The following CTNNBL1 variants were observed in gnomAD, a reference collection of about 807,000 sequenced individuals.
CTNNBL1 encodes beta-catenin-like protein 1.
CTNNBL1 carries 31 observed loss-of-function variants against 72.7 expected under a neutral mutation model. The observed-to-expected ratio is 0.43, with a 90% CI of 0.32 to 0.58. The LOEUF (loss-of-function observed/expected upper bound fraction) is 0.58, where lower values mean the gene tolerates loss of function less well. CTNNBL1 is among the 20% of genes least tolerant of loss of function. The probability of loss-of-function intolerance (pLI) is 0.08; values close to 1 mark genes in which losing one functional copy is unlikely to be tolerated. For missense variants in CTNNBL1, 534 were observed against 725.1 expected (o/e 0.74, Z 3.03); for synonymous variants, 240 against 267.3 (o/e 0.90, Z 1.00).
intron 11 of CTNNBL1, among the ~76,000 whole-genome samples, chr20:37,813,675 G>A (rs1740827582): frequency 6.6e-6 from 1 of 152,110 alleles, no homozygotes. Flanking sequence ...TGTGTCAGTA[G>A]GACTCTGTTA....
intron 10 of CTNNBL1, among the ~76,000 whole-genome samples, chr20:37,785,140 G>A (rs1424186770): frequency 1.3e-5 from 2 of 152,126 alleles, no homozygotes; most frequent in Non-Finnish European, 2.9e-5. Context: ...CAGACATATT[G>A]GAACTCCATT....
rs550536132 is a variant in CTNNBL1, at chr20:37,702,682, C to T, written c.30+8530C>T. ...TGAGTGATTTTTTTCCTTAAGTTCA[C>T]TTCCTCCCTCTGCGTTCTTCTCATC... On this transcript the variant is annotated intron_variant, in intron 1 of 15. Transcript: ENST00000361383. Among the ~76,000 whole-genome samples the T allele has an allele frequency of 3.3e-5, 5 of 152,230 alleles. No homozygotes were observed. In the South Asian group the frequency reaches 8.3e-4, roughly 25 times the overall value.
At chr20:37,756,582 TTTTC>T (rs2073366088) in intron 4 of CTNNBL1, among the ~76,000 whole-genome samples, 1 of 151,728 alleles carries the variant, frequency 6.6e-6, no homozygotes, top group Admixed American at 6.6e-5. Flanking sequence ...CTCCTTCATG[TTTTC>T]TTTTCTTTAT....
intron 13 of CTNNBL1, among the ~76,000 whole-genome samples, chr20:37,844,036 T>C (rs934689270): frequency 6.6e-6 from 1 of 152,216 alleles, no homozygotes; most frequent in Non-Finnish European, 1.5e-5. Context: ...TTCTACCCTA[T>C]ACAGTAACTT....
At chr20:37,744,037 T>C (rs2073241471) in intron 3 of CTNNBL1, among the ~76,000 whole-genome samples, 1 of 152,168 alleles carries the variant, frequency 6.6e-6, no homozygotes, top group Non-Finnish European at 1.5e-5. Context: ...CAAACACTTT[T>C]CTCTGATTAT....
chr20:37,746,065 A>AGTG (rs748535595), intron 3 of CTNNBL1, among the ~76,000 whole-genome samples: 13 of 152,194 alleles, frequency 8.5e-5, no homozygotes, highest in Non-Finnish European at 1.9e-4. Flanking sequence ...CTTGATCTGA[A>AGTG]GTGGGAAGTA....
chr20:37,868,062 C>T (rs947789629), intron 15 of CTNNBL1, among the ~76,000 whole-genome samples: 2 of 152,228 alleles, frequency 1.3e-5, no homozygotes, highest in East Asian at 3.8e-4. Flanking sequence ...TCTGAGAACC[C>T]TTCCAACTCT....
At chr20:37,703,232 C>T (rs1250781786) in intron 1 of CTNNBL1, among the ~76,000 whole-genome samples, 3 of 152,182 alleles carry the variant, frequency 2.0e-5, no homozygotes, top group Non-Finnish European at 4.4e-5. Context: ...AATTAACATT[C>T]GTGTAATACT....
intron 1 of CTNNBL1, among the ~76,000 whole-genome samples, chr20:37,699,288 T>C (rs1237868135): frequency 6.6e-6 from 1 of 152,218 alleles, no homozygotes; most frequent in Admixed American, 6.5e-5. Context: ...ACTTCATAGT[T>C]GGAGCTCCTA....
intron 13 of CTNNBL1, among the ~76,000 whole-genome samples, chr20:37,854,531 G>C (rs1024525134): frequency 6.7e-6 from 1 of 150,202 alleles, no homozygotes; most frequent in African/African-American, 2.4e-5. Flanking sequence ...TAAAATGGGG[G>C]TAAGAATCCC....
intron 15 of CTNNBL1, among the ~76,000 whole-genome samples, chr20:37,868,337 G>T (rs551534222): frequency 6.6e-6 from 1 of 151,854 alleles, no homozygotes; most frequent in Admixed American, 6.6e-5. Context: ...TTGAATTCCG[G>T]CTCCTCTACA....
chr20:37,742,226 T>A (rs1308505013), intron 3 of CTNNBL1, among the ~76,000 whole-genome samples: 1 of 152,220 alleles, frequency 6.6e-6, no homozygotes, highest in Non-Finnish European at 1.5e-5. Flanking sequence ...TCACAAAGTT[T>A]TAGGGTCATT....
intron 7 of CTNNBL1, among the ~76,000 whole-genome samples, chr20:37,772,509 C>G (rs566853009): frequency 1.3e-5 from 2 of 152,114 alleles, no homozygotes; most frequent in East Asian, 3.8e-4. Flanking sequence ...CCACCACATC[C>G]GGCTAATTTT....
In CTNNBL1 at chr20:37,703,096, A is replaced by G. The variant is rs114143352; in HGVS notation, c.30+8944A>G. ...CAAAACCTATATTCTTTGCTTTTTA[A>G]CTTTTTATTTTGAATTTTAAACTTA... On this transcript the variant is annotated intron_variant, in intron 1 of 15. Coordinates refer to ENST00000361383, the MANE Select transcript of CTNNBL1 (RefSeq NM_030877.5). Among the ~76,000 whole-genome samples, 1,432 of 152,304 alleles carry G rather than the reference A, an allele frequency of 9.4e-3. 27 individuals are homozygous for G. Among genetic ancestry groups the G allele is most frequent in the African/African-American group, 0.033 (1,368 of 41,564 alleles).
At chr20:37,714,436 T>A (rs1363938832) in intron 1 of CTNNBL1, among the ~76,000 whole-genome samples, 1 of 152,200 alleles carries the variant, frequency 6.6e-6, no homozygotes, top group Non-Finnish European at 1.5e-5. Context: ...GGGAACAGAT[T>A]AAGGTGTTTT....
intron 13 of CTNNBL1, among the ~76,000 whole-genome samples, chr20:37,844,762 C>G (rs1436262809): frequency 3.9e-5 from 6 of 152,032 alleles, no homozygotes; most frequent in African/African-American, 1.4e-4. Context: ...GCCTGGCCGA[C>G]AAAGCAAAAC....
chr20:37,804,281 G>GGA (rs1175219925), intron 11 of CTNNBL1, among the ~76,000 whole-genome samples: 17 of 152,200 alleles, frequency 1.1e-4, no homozygotes, highest in Admixed American at 9.8e-4. Context: ...AGGGGGTCCT[G>GGA]GAGGTCTAGG....
intron 11 of CTNNBL1, among the ~76,000 whole-genome samples, chr20:37,810,001 C>G (rs1414474203): frequency 6.6e-6 from 1 of 152,002 alleles, no homozygotes; most frequent in Non-Finnish European, 1.5e-5. Context: ...CAGCATCTGT[C>G]CTGTAGTAGT....
chr20:37,869,435 G>A (rs1045122129), intron 15 of CTNNBL1, among the ~76,000 whole-genome samples: 2 of 152,228 alleles, frequency 1.3e-5, no homozygotes, highest in Admixed American at 6.5e-5. Flanking sequence ...GGACCAGGGG[G>A]CAGAAGTGCA....
Sources: gnomAD v4.1 joint callset for allele counts (sites outside exome capture counted in the v4.1 genomes callset) on GRCh38, gnomAD v4.1.1 for gene constraint, MANE v1.5 for transcripts, NCBI Gene and HGNC (gene_info 2026-07-23, HGNC 2026-07-21) for gene names.